NBEA: variants seen among roughly 807,000 people sequenced by gnomAD.
The protein encoded by NBEA is lysosomal-trafficking regulator 2.
Under a neutral mutation model 343.4 loss-of-function variants are expected in NBEA, and 44 were observed. That is an observed-to-expected ratio of 0.13 (90% CI 0.10 to 0.16). NBEA has a LOEUF of 0.16. Among genes scored for constraint, NBEA ranks in the 10% least tolerant of loss-of-function variants. The probability of loss-of-function intolerance (pLI) is 1.00; values close to 1 mark genes in which losing one functional copy is unlikely to be tolerated. For missense variants in NBEA, 2,555 were observed against 3,631.3 expected, an observed-to-expected ratio of 0.70 and a Z score of 7.62; for synonymous variants, 1,175 against 1,238.7, an observed-to-expected ratio of 0.95 and a Z score of 1.08.
chr13:35,232,703 A>G (rs1170257081), intron 34 of NBEA, 84 bp downstream of exon 34: 20 of 1,067,054 alleles, frequency 1.9e-5, no homozygotes, highest in Non-Finnish European at 2.5e-5. Flanking sequence ...GGAGGAATAT[A>G]TATTTCCAAA....
At chr13:35,610,018 G>A (rs2082437471) in intron 48 of NBEA, among the ~76,000 whole-genome samples, 1 of 152,212 alleles carries the variant, frequency 6.6e-6, no homozygotes, top group South Asian at 2.1e-4. Context: ...AGTGGACTAA[G>A]TGATTGGTCA....
chr13:35,449,822 T>C (rs546269212), intron 39 of NBEA, among the ~76,000 whole-genome samples: 129 of 152,336 alleles, frequency 8.5e-4, no homozygotes, highest in Admixed American at 1.5e-3. Flanking sequence ...CAATGTAGCA[T>C]TGATTTGTCA....
intron 38 of NBEA, among the ~76,000 whole-genome samples, chr13:35,392,827 C>T (rs1490408968): frequency 1.3e-5 from 2 of 152,056 alleles, no homozygotes; most frequent in African/African-American, 4.8e-5. Context: ...TGGTATCGTG[C>T]CTAGACCAAA....
At chr13:35,578,564 T>A (rs555178564) in intron 45 of NBEA, among the ~76,000 whole-genome samples, 1 of 152,192 alleles carries the variant, frequency 6.6e-6, no homozygotes, top group Admixed American at 6.5e-5. Flanking sequence ...TAGTGTGGAA[T>A]GTGGAGACCC....
rs1199546181 is a variant in NBEA at position 35,593,892 on chromosome 13, C to T, written c.7296+445C>T. ...GACCCATTTAAAATGTAGGCTTTTC[C>T]GTATAGCCTTAGCTTTTACTTGACT... is the stretch of plus-strand genomic sequence containing the variant. On this transcript the variant is annotated intron_variant, in intron 47 of 58. Transcript: ENST00000379939. 3.3e-5 allele frequency among the ~76,000 whole-genome samples: 5 copies of T among 152,040 alleles called. No homozygotes were observed. In the South Asian group the frequency reaches 6.2e-4, roughly 19 times the overall value.
chr13:35,031,156 A>G (rs1357889492), intron 1 of NBEA, among the ~76,000 whole-genome samples: 2 of 151,646 alleles, frequency 1.3e-5, no homozygotes, highest in Non-Finnish European at 3.0e-5. Flanking sequence ...ATCGGCTTCT[A>G]TTGGTTCAAT....
At chr13:34,983,249 C>T (rs763319736) in intron 1 of NBEA, among the ~76,000 whole-genome samples, 2 of 152,146 alleles carry the variant, frequency 1.3e-5, no homozygotes, top group Non-Finnish European at 2.9e-5. Flanking sequence ...GTTCAATTCC[C>T]ACCTATGAGT....
intron 11 of NBEA, among the ~76,000 whole-genome samples, chr13:35,107,131 G>T (rs2065959033): frequency 6.6e-6 from 1 of 151,760 alleles, no homozygotes; most frequent in South Asian, 2.1e-4. Context: ...GAAGGAGCTG[G>T]CTACAGTTTT....
In NBEA at chr13:35,171,570, A is replaced by G. The variant is rs555855879; in HGVS notation, c.4423+118A>G. ...TTGATGATTATATAATATGGAGATT[A>G]TCTTGAGATACAGAGATTATTTTTA... On this transcript the variant is annotated intron_variant, in intron 26 of 58. Transcript: ENST00000379939. 7.7e-5 allele frequency: 63 copies of G among 818,626 alleles called. 1 individual carries two copies. In the Middle Eastern group the frequency reaches 2.1e-3, roughly 27 times the overall value. 50.7% of individuals were successfully genotyped at this position (818,626 alleles called of 1,614,324 possible).
Position 35,173,543 on chromosome 13 carries a change from C to T in NBEA, c.4503C>T (p.Ser1501=). ...GGGGAAATAAATCTTCCCATGGAAG[C>T]AGTAAACCTCAGGAAGTTCCTCAAA... ...RDRGNKSSHG[S]SKPQEVPQSV... Residue 1501 remains serine (S), a synonymous_variant, in exon 27 of 59, where the codon AGC becomes AGT. Coordinates refer to ENST00000379939, the MANE Select transcript of NBEA (RefSeq NM_001385012.1). 2 of 1,611,964 alleles carry T rather than the reference C, an allele frequency of 1.2e-6. No individual in the cohort carries two copies. Among genetic ancestry groups the T allele is most frequent in the South Asian group, 2.2e-5 (2 of 90,860 alleles).
At chr13:35,271,236 G>A (rs1318491175) in intron 34 of NBEA, among the ~76,000 whole-genome samples, 1 of 152,190 alleles carries the variant, frequency 6.6e-6, no homozygotes, top group African/African-American at 2.4e-5. Flanking sequence ...GACGTCCAGC[G>A]AATTCCAACA....
chr13:35,359,865 C>G (rs2040710069), intron 38 of NBEA, among the ~76,000 whole-genome samples: 1 of 150,370 alleles, frequency 6.7e-6, no homozygotes, highest in South Asian at 2.1e-4. Flanking sequence ...TGTGTGAGAT[C>G]TCAGTTTTTA....
At chr13:35,034,888 AT>A (rs2062381604) in intron 1 of NBEA, among the ~76,000 whole-genome samples, 1 of 151,428 alleles carries the variant, frequency 6.6e-6, no homozygotes, top group Non-Finnish European at 1.5e-5. Context: ...CTCCTTTTTT[AT>A]TTCTGATTTT....
At chr13:35,459,797 A>G (rs1360086314) in intron 40 of NBEA, among the ~76,000 whole-genome samples, 1 of 152,244 alleles carries the variant, frequency 6.6e-6, no homozygotes, top group African/African-American at 2.4e-5. Context: ...AATTAAAATA[A>G]ACTACAGAAT....
At chr13:35,480,867 G>C (rs1225971672) in intron 41 of NBEA, among the ~76,000 whole-genome samples, 1 of 151,862 alleles carries the variant, frequency 6.6e-6, no homozygotes, top group Non-Finnish European at 1.5e-5. Context: ...CTTTCTTCCT[G>C]TGTGATTCCT....
intron 37 of NBEA, among the ~76,000 whole-genome samples, chr13:35,351,184 A>G (rs1049224309): frequency 6.6e-6 from 1 of 152,034 alleles, no homozygotes; most frequent in African/African-American, 2.4e-5. Context: ...AGTACCTTCC[A>G]TGAAATAGAT....
At chr13:35,043,129 T>C (rs1420929432) in intron 2 of NBEA, among the ~76,000 whole-genome samples, 2 of 151,874 alleles carry the variant, frequency 1.3e-5, no homozygotes, top group Admixed American at 6.6e-5. Flanking sequence ...ATATAAGTAA[T>C]TCGTATTTTT....
chr13:35,311,860 CA>C (rs934010164), intron 36 of NBEA, among the ~76,000 whole-genome samples: 79 of 146,008 alleles, frequency 5.4e-4, no homozygotes, highest in African/African-American at 1.4e-3. Flanking sequence ...GTCCCCCCAC[CA>C]AAAAAAAAAA....
chr13:35,670,099 C>T (rs1244437971), intron 58 of NBEA, among the ~76,000 whole-genome samples: 1 of 152,122 alleles, frequency 6.6e-6, no homozygotes, highest in African/African-American at 2.4e-5. Context: ...AACTGATAAA[C>T]ATATATTGGG....
Sources: allele counts gnomAD v4.1 joint callset (sites outside exome capture counted in the v4.1 genomes callset), GRCh38; gene constraint gnomAD v4.1.1; transcripts MANE v1.5; gene names NCBI Gene and HGNC (gene_info 2026-07-23, HGNC 2026-07-21).